The following TFB1M variants were observed in gnomAD, a reference collection of about 807,000 sequenced individuals.
TFB1M encodes the protein dimethyladenosine transferase 1, mitochondrial.
In TFB1M, 27 loss-of-function variants were observed where a neutral mutation model predicts 31.1. The ratio of observed to expected loss-of-function variants is 0.87; its 90% CI spans 0.64 to 1.20. The LOEUF is 1.20. Ranked by LOEUF, TFB1M falls within the 50% of genes most tolerant of loss-of-function variation. The pLI, the probability that TFB1M is intolerant of heterozygous loss-of-function variation, is 0.00. For missense variants in TFB1M, 394 were observed against 418.7 expected (o/e 0.94, Z 0.51); for synonymous variants, 166 against 151.8 (o/e 1.09, Z -0.69).
At chr6:155,251,846 C>T (rs769756084), downstream of TFB1M, 7 of 907,956 alleles carry the variant, frequency 7.7e-6, no homozygotes, top group East Asian at 7.8e-5. Flanking sequence ...GAGACTCATA[C>T]GTTTGGAGAG....
intron 5 of TFB1M, among the ~76,000 whole-genome samples, chr6:155,281,448 G>A (rs112530575): frequency 6.6e-6 from 1 of 152,048 alleles, no homozygotes; most frequent in Non-Finnish European, 1.5e-5. Flanking sequence ...CTGGCTGGGC[G>A]TGGTGGCTCA....
At chr6:155,244,636 T>C in the TFB1M span, 6 of 1,612,424 alleles carry the variant, frequency 3.7e-6, no homozygotes, top group Non-Finnish European at 5.1e-6. Flanking sequence ...TCCCCTCATT[T>C]CAAATCCTGA....
the TFB1M span, among the ~76,000 whole-genome samples, chr6:155,242,914 C>CTT: frequency 7.9e-6 from 1 of 126,520 alleles, no homozygotes; most frequent in Non-Finnish European, 1.7e-5. Context: ...TTTTTTTTTT[C>CTT]TTTTTTTTAG....
chr6:155,281,688 C>T (rs1785506202), intron 5 of TFB1M, among the ~76,000 whole-genome samples: 1 of 142,274 alleles, frequency 7.0e-6, no homozygotes, highest in Non-Finnish European at 1.5e-5. Context: ...TGCCACTGCA[C>T]TCCAGCCTGG....
At chr6:155,286,511 G>GTGTGTATATATATGTATATATATACA (rs1776642167) in intron 4 of TFB1M, among the ~76,000 whole-genome samples, 1 of 132,268 alleles carries the variant, frequency 7.6e-6, no homozygotes, top group Non-Finnish European at 1.6e-5. Context: ...GTATATATAT[G>GTGTGTATATATATGTATATATATACA]TGTGTATATA....
chr6:155,241,757 C>CTGCA, the TFB1M span, among the ~76,000 whole-genome samples: 1 of 152,168 alleles, frequency 6.6e-6, no homozygotes, highest in East Asian at 1.9e-4. Context: ...ATGTCTTGTC[C>CTGCA]TGCATCCAGG....
chr6:155,253,263 C>A (rs182451872), downstream of TFB1M: 2 of 505,228 alleles, frequency 4.0e-6, no homozygotes, highest in South Asian at 3.5e-5. Flanking sequence ...TTGCCAAATG[C>A]CTTTCATTGT....
intron 5 of TFB1M, among the ~76,000 whole-genome samples, chr6:155,265,897 G>A (rs555712952): frequency 1.2e-4 from 18 of 151,920 alleles, no homozygotes; most frequent in Non-Finnish European, 1.3e-4. Context: ...TTCCAAAACT[G>A]AAGAACTTGG....
At chr6:155,253,200 T>C, downstream of TFB1M, 1 of 671,258 alleles carries the variant, frequency 1.5e-6, no homozygotes, top group East Asian at 2.7e-5. Context: ...GTTGTTTTGA[T>C]GTTCCTTAGC....
rs1314158945 is a variant in TFB1M at position 155,298,449 on chromosome 6, T to C, written c.394+28A>G. On this transcript the variant is annotated intron_variant, in intron 3 of 6. Coordinates refer to ENST00000367166, the MANE Select transcript of TFB1M (RefSeq NM_016020.4). ...GTGATATAAATAATCATAAAAGAAA[T>C]GTTTTATAACTACCCAAAAGCACTC... 4 of 1,123,700 alleles carry C rather than the reference T, an allele frequency of 3.6e-6. No homozygotes were observed. In the Admixed American group the frequency reaches 5.1e-5, roughly 14 times the overall value. 69.6% of individuals were successfully genotyped at this position (1,123,700 alleles called of 1,614,324 possible).
At chr6:155,286,172 C>T (rs1035699115) in intron 4 of TFB1M, among the ~76,000 whole-genome samples, 21 of 152,134 alleles carry the variant, frequency 1.4e-4, no homozygotes, top group African/African-American at 4.3e-4. Context: ...TAAGTGACAC[C>T]GGTGTAATTA....
At chr6:155,232,244 A>G in the TFB1M span, among the ~76,000 whole-genome samples, 2 of 151,718 alleles carry the variant, frequency 1.3e-5, no homozygotes, top group Non-Finnish European at 2.9e-5. Context: ...GAGTTGAGAA[A>G]AAGTCCTTCG....
At position 155,287,743 on chromosome 6, in the gene TFB1M, G is replaced by T. The variant is rs143319097; in HGVS notation, c.547-2466C>A. Reference sequence around the variant, plus strand: ...TTCTTTAAAAAAGATATAAAAATATGGCAATATATTAAAATTGAACAGAGC... The same window carrying T: ...TTCTTTAAAAAAGATATAAAAATATTGCAATATATTAAAATTGAACAGAGC... On this transcript the variant is annotated intron_variant, in intron 4 of 6. Transcript: ENST00000367166. Among the ~76,000 whole-genome samples the T allele has an allele frequency of 4.2e-4, 64 of 152,198 alleles. 2 individuals are homozygous for T. The highest frequency in any genetic ancestry group is 1.4e-3 in the African/African-American group (60 of 41,514).
chr6:155,253,347 C>A, downstream of TFB1M: 1 of 331,056 alleles, frequency 3.0e-6, no homozygotes, highest in Non-Finnish European at 5.5e-6. Flanking sequence ...GTTAGAAGAA[C>A]AAAGATCCAC....
At chr6:155,245,181 C>T in the TFB1M span, among the ~76,000 whole-genome samples, 1 of 152,138 alleles carries the variant, frequency 6.6e-6, no homozygotes, top group Non-Finnish European at 1.5e-5. Context: ...GGGCTCAAGC[C>T]CTCTCTTCTA....
At chr6:155,261,791 G>A (rs1035305486) in intron 5 of TFB1M, among the ~76,000 whole-genome samples, 9 of 152,190 alleles carry the variant, frequency 5.9e-5, no homozygotes, top group African/African-American at 2.2e-4. Context: ...GTGTGGGCTG[G>A]CGCATGCTGA....
intron 1 of TFB1M, among the ~76,000 whole-genome samples, chr6:155,312,193 A>G (rs993175835): frequency 6.6e-6 from 1 of 152,116 alleles, no homozygotes; most frequent in African/African-American, 2.4e-5. Context: ...TCACAGTCCT[A>G]TTTTTGCTTG....
chr6:155,284,454 T>C (rs1234653066), intron 5 of TFB1M, among the ~76,000 whole-genome samples: 2 of 152,194 alleles, frequency 1.3e-5, no homozygotes, highest in Non-Finnish European at 2.9e-5. Context: ...TAGGCTCATA[T>C]CCCTGTAGAC....
At chr6:155,290,518 T>C (rs1478250533) in intron 4 of TFB1M, among the ~76,000 whole-genome samples, 1 of 151,832 alleles carries the variant, frequency 6.6e-6, no homozygotes, top group Non-Finnish European at 1.5e-5. Flanking sequence ...AGGCATTCCA[T>C]AAATTATAGA....
Sources: allele counts gnomAD v4.1 joint callset (sites outside exome capture counted in the v4.1 genomes callset), GRCh38; gene constraint gnomAD v4.1.1; transcripts MANE v1.5; gene names NCBI Gene and HGNC (gene_info 2026-07-23, HGNC 2026-07-21).